ARL15: variants seen among roughly 807,000 people sequenced by gnomAD.
The protein encoded by ARL15 is ARF like GTPase 15.
A neutral mutation model predicts 25.2 loss-of-function variants in ARL15; 19 were observed. That is an observed-to-expected ratio of 0.75 (90% confidence interval 0.53 to 1.10). The LOEUF (loss-of-function observed/expected upper bound fraction) is 1.10. Ranked by LOEUF, ARL15 falls within the 50% of genes least tolerant of loss-of-function variation. ARL15 has a pLI of 0.00. For missense variants in ARL15, 220 were observed against 246.0 expected (o/e 0.89, Z 0.71); for synonymous variants, 94 against 86.8 (o/e 1.08, Z -0.46).
chr5:53,898,669 C>T (rs1244872799), intron 4 of ARL15, among the ~76,000 whole-genome samples: 9 of 151,852 alleles, frequency 5.9e-5, no homozygotes, highest in Admixed American at 5.2e-4. Flanking sequence ...CTACCCCCGA[C>T]AGACCTCACT....
chr5:53,956,880 T>C (rs1747176643), intron 4 of ARL15, among the ~76,000 whole-genome samples: 1 of 151,588 alleles, frequency 6.6e-6, no homozygotes, highest in African/African-American at 2.4e-5. Flanking sequence ...AACATGAAGA[T>C]AGGTCCACTG....
intron 1 of ARL15, among the ~76,000 whole-genome samples, chr5:54,175,686 T>C (rs1347500157): frequency 1.5e-5 from 2 of 136,602 alleles, no homozygotes; most frequent in Non-Finnish European, 3.2e-5. Flanking sequence ...ACAGTCTGTC[T>C]CTGTCACTCA....
chr5:54,275,925 C>T (rs1161054324), intron 1 of ARL15, among the ~76,000 whole-genome samples: 1 of 150,862 alleles, frequency 6.6e-6, no homozygotes, highest in Non-Finnish European at 1.5e-5. Flanking sequence ...GATCTCCTGA[C>T]CTCGTGATCC....
At chr5:54,164,012 C>T (rs1461620310) in intron 2 of ARL15, among the ~76,000 whole-genome samples, 2 of 151,972 alleles carry the variant, frequency 1.3e-5, no homozygotes, top group African/African-American at 4.8e-5. Context: ...TCTGAATAGA[C>T]ATTTAGTGGT....
intron 4 of ARL15, among the ~76,000 whole-genome samples, chr5:53,981,907 A>AAAAAAAG (rs1186553038): frequency 7.9e-5 from 12 of 151,886 alleles, no homozygotes; most frequent in African/African-American, 1.9e-4. Context: ...TCTCAAAAAA[A>AAAAAAAG]AAGAAAAGAA....
intron 4 of ARL15, among the ~76,000 whole-genome samples, chr5:53,969,066 T>A (rs1747656663): frequency 6.6e-6 from 1 of 151,730 alleles, no homozygotes; most frequent in Non-Finnish European, 1.5e-5. Context: ...AGGAGAATTG[T>A]TTGAGAATTG....
intron 1 of ARL15, among the ~76,000 whole-genome samples, chr5:54,226,785 C>T (rs995793946): frequency 2.0e-4 from 31 of 152,228 alleles, no homozygotes; most frequent in African/African-American, 6.7e-4. Flanking sequence ...ACATCTGATA[C>T]GGTGTGGCTA....
intron 3 of ARL15, among the ~76,000 whole-genome samples, chr5:54,152,591 T>C (rs1231366888): frequency 5.3e-5 from 8 of 152,174 alleles, no homozygotes; most frequent in South Asian, 2.1e-4. Flanking sequence ...AATCTATGCA[T>C]AGGCTAGAAA....
chr5:54,113,053 A>T, intron 4 of ARL15, 149 bp downstream of exon 4: 1 of 744,646 alleles, frequency 1.3e-6, no homozygotes, highest in Non-Finnish European at 2.1e-6. Context: ...AGATTGATAT[A>T]GGCTTTCTGC....
chr5:54,252,418 A>C (rs2112601917), intron 1 of ARL15, among the ~76,000 whole-genome samples: 1 of 152,324 alleles, frequency 6.6e-6, no homozygotes, highest in East Asian at 1.9e-4. Context: ...AAAGGAAAAC[A>C]CTTGCTACTT....
chr5:54,017,020 G>A (rs560442917), intron 4 of ARL15, among the ~76,000 whole-genome samples: 3 of 152,298 alleles, frequency 2.0e-5, no homozygotes, highest in East Asian at 1.9e-4. Flanking sequence ...CATGTTAATC[G>A]TGGTGCGTCC....
At chr5:54,031,876 C>T (rs759029139) in intron 4 of ARL15, among the ~76,000 whole-genome samples, 34 of 152,110 alleles carry the variant, frequency 2.2e-4, no homozygotes, top group Non-Finnish European at 7.3e-5. Flanking sequence ...TTTTCTTGGG[C>T]TCGTTATATA....
intron 1 of ARL15, among the ~76,000 whole-genome samples, chr5:54,188,133 T>A (rs1755290597): frequency 6.6e-6 from 1 of 152,128 alleles, no homozygotes; most frequent in Non-Finnish European, 1.5e-5. Context: ...AAACTACTCA[T>A]CTGGAACATG....
intron 1 of ARL15, among the ~76,000 whole-genome samples, chr5:54,208,231 G>A (rs1755926988): frequency 1.3e-5 from 2 of 152,202 alleles, no homozygotes; most frequent in East Asian, 1.9e-4. Context: ...ACAGAACTCT[G>A]AATTAGCTTC....
intron 1 of ARL15, among the ~76,000 whole-genome samples, chr5:54,211,595 C>T (rs575165545): frequency 1.9e-4 from 29 of 150,666 alleles, no homozygotes; most frequent in Admixed American, 1.3e-3. Context: ...CTCAGCCTCG[C>T]GAGTAGCTGG....
chr5:53,968,018 A>G (rs1363500357), intron 4 of ARL15, among the ~76,000 whole-genome samples: 2 of 152,132 alleles, frequency 1.3e-5, no homozygotes, highest in African/African-American at 4.8e-5. Context: ...GTAAGGAAAA[A>G]ATGGGAGGTT....
intron 1 of ARL15, among the ~76,000 whole-genome samples, chr5:54,172,371 C>T (rs1198570238): frequency 6.6e-6 from 1 of 150,728 alleles, no homozygotes; most frequent in African/African-American, 2.4e-5. Context: ...ACTAAAAAGA[C>T]ATAATAATAA....
At chr5:53,915,107 G>C (rs529427492) in intron 4 of ARL15, among the ~76,000 whole-genome samples, 1 of 152,286 alleles carries the variant, frequency 6.6e-6, no homozygotes, top group South Asian at 2.1e-4. Flanking sequence ...CACTGCATCT[G>C]GTCAGTCAGC....
At chr5:54,258,776 G>A (rs1288702908) in intron 1 of ARL15, among the ~76,000 whole-genome samples, 1 of 152,152 alleles carries the variant, frequency 6.6e-6, no homozygotes, top group South Asian at 2.1e-4. Context: ...TCAAGCCAAA[G>A]CTGCCAAGAA....
Sources: gnomAD v4.1 joint callset for allele counts (sites outside exome capture counted in the v4.1 genomes callset) on GRCh38, gnomAD v4.1.1 for gene constraint, MANE v1.5 for transcripts, NCBI Gene and HGNC (gene_info 2026-07-23, HGNC 2026-07-21) for gene names.